The following USP25 variants were observed in gnomAD, a reference collection of about 807,000 sequenced individuals.
The protein encoded by USP25 is ubiquitin specific peptidase 25, also known as ubiquitin carboxyl-terminal hydrolase 25.
A neutral mutation model predicts 158.5 loss-of-function variants in USP25; 85 were observed. The ratio of observed to expected loss-of-function variants is 0.54; its 90% CI spans 0.45 to 0.64. The LOEUF (loss-of-function observed/expected upper bound fraction) is 0.64. Ranked by LOEUF, USP25 falls within the 30% of genes least tolerant of loss-of-function variation. The pLI is 0.00. For missense variants in USP25, 1,242 were observed against 1,327.3 expected (o/e 0.94, Z 1.00); for synonymous variants, 464 against 460.4 (o/e 1.01, Z -0.10).
chr21:15,834,362 A>G lies in USP25; in HGVS notation c.2194+814A>G, dbSNP rs920595493. ...GAAAATGCTATTTCTCAGAGAAGCTATAAATTAAGCGCATATATTTTCCTC... is the reference window on the plus strand; with the variant it reads ...GAAAATGCTATTTCTCAGAGAAGCTGTAAATTAAGCGCATATATTTTCCTC... On this transcript the variant is annotated intron_variant, in intron 17 of 25. Transcript: ENST00000400183. Among the ~76,000 whole-genome samples, 5 of 152,166 alleles carry G rather than the reference A, an allele frequency of 3.3e-5. No homozygotes were observed. The East Asian group carries it at 9.6e-4, about 29-fold the overall frequency.
At chr21:15,856,852 A>G (rs1287095206) in intron 20 of USP25, among the ~76,000 whole-genome samples, 4 of 152,092 alleles carry the variant, frequency 2.6e-5, no homozygotes, top group African/African-American at 9.7e-5. Context: ...TTGTAGATTT[A>G]TCTCAGTATT....
At chr21:15,771,910 T>A (rs908824953) in intron 3 of USP25, among the ~76,000 whole-genome samples, 18 of 152,160 alleles carry the variant, frequency 1.2e-4, no homozygotes, top group South Asian at 2.1e-4. Flanking sequence ...TTATTTTTTT[T>A]AAAAAAAGTA....
At chr21:15,845,036 G>C (rs2038513384) in intron 18 of USP25, among the ~76,000 whole-genome samples, 1 of 151,766 alleles carries the variant, frequency 6.6e-6, no homozygotes, top group Non-Finnish European at 1.5e-5. Context: ...CATATTTCAG[G>C]TTATTTCCTT....
chr21:15,793,453 A>ATT (rs1185088374), intron 5 of USP25, among the ~76,000 whole-genome samples: 2 of 146,374 alleles, frequency 1.4e-5, no homozygotes, highest in African/African-American at 5.0e-5. Context: ...TTTAGCTTAG[A>ATT]TTTTTTTTTT....
chr21:15,778,870 C>T (rs1295252321), intron 4 of USP25, among the ~76,000 whole-genome samples: 2 of 152,080 alleles, frequency 1.3e-5, no homozygotes, highest in African/African-American at 2.4e-5. Flanking sequence ...TCCAAAGGCA[C>T]ACAGCTCAGA....
In USP25 at chr21:15,866,349, T is replaced by C. The variant is rs1197630937; in HGVS notation, c.2805+5T>C. The C allele has an allele frequency of 6.3e-7, 1 of 1,596,408 alleles. No individual in the cohort carries two copies. Among genetic ancestry groups the C allele is most frequent in the East Asian group, 2.3e-5 (1 of 44,002 alleles). The stretch of plus-strand genomic sequence containing the variant: ...GTAAACTTGGAGGAATATGAGGTAA[T>C]GTGCTTTCTTAGAGGTTAAACTACA... On this transcript the variant is annotated splice_donor_5th_base_variant and intron_variant, in intron 22 of 25. Coordinates refer to ENST00000400183, the MANE Select transcript of USP25 (RefSeq NM_001283041.3).
At position 15,791,392 on chromosome 21, in the gene USP25, T is replaced by C. The variant is rs2035583075; in HGVS notation, c.393-110T>C. ...TAAAGTTAGTATTAAATATTATTTC[T>C]TCAAATACATTATTGAAATCTTATG... On this transcript the variant is annotated intron_variant, in intron 4 of 25. Transcript: ENST00000400183. 3 of 1,178,646 alleles carry C rather than the reference T, an allele frequency of 2.5e-6. No individual in the cohort carries two copies. The South Asian group carries it at 7.3e-5, about 29-fold the overall frequency. 73.0% of individuals were successfully genotyped at this position (1,178,646 alleles called of 1,614,324 possible). A position where few individuals can be genotyped will look rare whatever the true frequency, so the allele number is the denominator to read the frequency against.
At chr21:15,747,758 T>C (rs2032678107) in intron 1 of USP25, among the ~76,000 whole-genome samples, 1 of 152,282 alleles carries the variant, frequency 6.6e-6, no homozygotes, top group African/African-American at 2.4e-5. Flanking sequence ...TGCACAGCAC[T>C]CAGTCAGAAT....
chr21:15,804,339 A>G (rs917680904), intron 6 of USP25, among the ~76,000 whole-genome samples: 2 of 151,582 alleles, frequency 1.3e-5, no homozygotes, highest in Non-Finnish European at 2.9e-5. Flanking sequence ...AGGGTGATAT[A>G]TTAGTCTCCT....
At chr21:15,798,070 G>A (rs1052821579) in intron 5 of USP25, among the ~76,000 whole-genome samples, 5 of 151,206 alleles carry the variant, frequency 3.3e-5, no homozygotes, top group African/African-American at 7.2e-5. Context: ...GGATAAGAGG[G>A]TGCTACTCTG....
Position 15,831,646 on chromosome 21 carries a change from T to C in USP25, c.1993+17T>C, listed in dbSNP as rs1203421791. The C allele has an allele frequency of 6.2e-7, 1 of 1,600,078 alleles. No individual in the cohort carries two copies. The highest frequency in any genetic ancestry group is 8.6e-7 in the Non-Finnish European group (1 of 1,168,546). Reference sequence around the variant, plus strand: ...TAATACAAGGTAAGAATATATAGGGTGGTGTGTATTTTTAAATAGTCATAA... The same window carrying C: ...TAATACAAGGTAAGAATATATAGGGCGGTGTGTATTTTTAAATAGTCATAA... On this transcript the variant is annotated intron_variant, in intron 16 of 25. Coordinates refer to ENST00000400183, the MANE Select transcript of USP25 (RefSeq NM_001283041.3).
At chr21:15,874,602 G>A in intron 24 of USP25, 76 bp downstream of exon 24, 1 of 1,408,228 alleles carries the variant, frequency 7.1e-7, no homozygotes, top group Non-Finnish European at 9.5e-7. Context: ...ATATATAAGT[G>A]ATTGACTCCA....
chr21:15,880,025 T>C lies in USP25; in HGVS notation c.*1550T>C, dbSNP rs955400968. 1.3e-5 allele frequency: 2 copies of C among 152,320 alleles called. No homozygotes were observed. Among genetic ancestry groups the C allele is most frequent in the South Asian group, 4.1e-4 (2 of 4,826 alleles). The allele number at this position is 152,320 out of a possible 1,614,324, so 9.4% of individuals were successfully genotyped here. ...TTCATATGTGTCATCACAGCTTTTG[T>C]AAAGAAAGTATCCTTAATATTTTAT... On this transcript the variant is annotated 3_prime_UTR_variant, in exon 26 of 26. Coordinates refer to ENST00000400183, the MANE Select transcript of USP25 (RefSeq NM_001283041.3).
At chr21:15,779,646 A>T (rs935576485) in intron 4 of USP25, among the ~76,000 whole-genome samples, 1 of 151,936 alleles carries the variant, frequency 6.6e-6, no homozygotes, top group Non-Finnish European at 1.5e-5. Context: ...ATTCAGTTCA[A>T]TGTATATGTT....
intron 1 of USP25, among the ~76,000 whole-genome samples, chr21:15,746,315 A>G (rs1388518789): frequency 1.3e-5 from 2 of 152,228 alleles, no homozygotes; most frequent in Non-Finnish European, 2.9e-5. Context: ...CTTTCAATCC[A>G]AGAACACATA....
intron 16 of USP25, 126 bp from the exon 17 acceptor site, chr21:15,833,222 G>C: frequency 1.2e-6 from 1 of 846,618 alleles, no homozygotes; most frequent in South Asian, 2.0e-5. Flanking sequence ...TAATTCTTAA[G>C]TAATATGATT....
intron 4 of USP25, among the ~76,000 whole-genome samples, chr21:15,783,684 G>A (rs773561466): frequency 2.6e-5 from 4 of 152,072 alleles, no homozygotes; most frequent in Middle Eastern, 6.8e-3. Flanking sequence ...AGGGCCGGGC[G>A]CAGTGGCTGA....
chr21:15,868,581 C>A (rs970750940), intron 22 of USP25, among the ~76,000 whole-genome samples: 1 of 152,080 alleles, frequency 6.6e-6, no homozygotes, highest in Non-Finnish European at 1.5e-5. Flanking sequence ...TCTGCATATT[C>A]CTCCTATCTT....
intron 1 of USP25, among the ~76,000 whole-genome samples, chr21:15,731,101 TA>T (rs1266012607): frequency 6.7e-6 from 1 of 150,226 alleles, no homozygotes; most frequent in Non-Finnish European, 1.5e-5. Flanking sequence ...GTTCACCCTT[TA>T]CTCTTGCATC....
Sources: gnomAD v4.1 joint callset for allele counts (sites outside exome capture counted in the v4.1 genomes callset) on GRCh38, gnomAD v4.1.1 for gene constraint, MANE v1.5 for transcripts, NCBI Gene and HGNC (gene_info 2026-07-23, HGNC 2026-07-21) for gene names.